Variants in ABCC8 observed in about 807,000 individuals in gnomAD.
ABCC8 encodes the protein ATP-binding cassette sub-family C member 8.
ABCC8 carries 137 observed loss-of-function variants against 188.0 expected under a neutral mutation model. The observed-to-expected ratio is 0.73, with a 90% CI of 0.63 to 0.84. ABCC8 has a LOEUF of 0.84. Among genes scored for constraint, ABCC8 ranks in the 40% least tolerant of loss-of-function variants. The probability of loss-of-function intolerance (pLI) is 0.00; values close to 1 mark genes in which losing one functional copy is unlikely to be tolerated. For synonymous variants in ABCC8, 797 were observed against 846.5 expected, an observed-to-expected ratio of 0.94 and a Z score of 1.01; for missense variants, 1,750 against 2,072.7, an observed-to-expected ratio of 0.84 and a Z score of 3.02.
At chr11:17,392,665 A>C (rs368877399), downstream of ABCC8, 1 of 391,250 alleles carries the variant, frequency 2.6e-6, no homozygotes, top group East Asian at 6.2e-5. Context: ...CCTTGATCCC[A>C]GACTTCAGCC....
chr11:17,458,503 C>T (rs1957075403), intron 6 of ABCC8, among the ~76,000 whole-genome samples: 1 of 152,106 alleles, frequency 6.6e-6, no homozygotes, highest in African/African-American at 2.4e-5. Context: ...CTGATAAGGG[C>T]TCTGGCCTGT....
intron 3 of ABCC8, among the ~76,000 whole-genome samples, chr11:17,467,837 C>T (rs73429040): frequency 0.014 from 2,082 of 152,350 alleles, 50 homozygotes; most frequent in African/African-American, 0.048. Flanking sequence ...GGGGAGATAA[C>T]TCCAACAAGG....
chr11:17,428,100 T>C, intron 14 of ABCC8, 158 bp from the exon 15 acceptor site: 5 of 1,576,300 alleles, frequency 3.2e-6, no homozygotes, highest in Non-Finnish European at 4.3e-6. Flanking sequence ...GGCCTTCTCA[T>C]GCTGACCCTT....
At chr11:17,409,412 A>C (rs778432776) in intron 22 of ABCC8, among the ~76,000 whole-genome samples, 13 of 152,144 alleles carry the variant, frequency 8.5e-5, no homozygotes, top group Non-Finnish European at 1.5e-4. Context: ...GGAAGCCAGC[A>C]CTTCTGTGTT....
intron 3 of ABCC8, among the ~76,000 whole-genome samples, chr11:17,466,980 T>C (rs1489708675): frequency 2.0e-5 from 3 of 150,570 alleles, no homozygotes; most frequent in African/African-American, 4.9e-5. Flanking sequence ...ATATACTTAA[T>C]GCCACAGAAC....
intron 22 of ABCC8, chr11:17,410,174 C>T: frequency 4.2e-6 from 1 of 237,610 alleles, no homozygotes; most frequent in Non-Finnish European, 8.3e-6. Context: ...TCCAAATGGG[C>T]ACTCCCCATG....
intron 10 of ABCC8, chr11:17,435,840 G>A: frequency 2.4e-6 from 3 of 1,239,456 alleles, no homozygotes; most frequent in Non-Finnish European, 3.6e-6. Context: ...ACTTAGCTGT[G>A]TGGATCAGTG....
intron 20 of ABCC8, 22 bp from the exon 21 acceptor site, chr11:17,412,768 ACAT>A: frequency 1.3e-6 from 2 of 1,598,544 alleles, no homozygotes; most frequent in Non-Finnish European, 1.7e-6. Context: ...GAGGAGGAAC[ACAT>A]CATGCCCTCA....
chr11:17,412,900 G>A (rs1954885021), intron 20 of ABCC8, 154 bp from the exon 21 acceptor site: 6 of 1,481,810 alleles, frequency 4.0e-6, no homozygotes, highest in Non-Finnish European at 5.4e-6. Flanking sequence ...ACTTGCACGT[G>A]TTTACTGAAT....
chr11:17,420,653 G>A (rs1456243058), intron 16 of ABCC8, among the ~76,000 whole-genome samples: 2 of 152,218 alleles, frequency 1.3e-5, no homozygotes, highest in African/African-American at 4.8e-5. Flanking sequence ...CAGCATTGCA[G>A]CAGGGAGCTC....
At chr11:17,428,447 T>C in intron 13 of ABCC8, 42 bp from the exon 14 acceptor site, 1 of 1,604,752 alleles carries the variant, frequency 6.2e-7, no homozygotes, top group South Asian at 1.1e-5. Flanking sequence ...GGCTGGGAGC[T>C]GTGTAGGGAA....
chr11:17,416,056 C>T (rs911070558), intron 17 of ABCC8, among the ~76,000 whole-genome samples: 7 of 152,226 alleles, frequency 4.6e-5, no homozygotes, highest in African/African-American at 1.4e-4. Flanking sequence ...ACTACCATTA[C>T]AGAGGCTGAG....
At chr11:17,426,928 T>C in intron 16 of ABCC8, 121 bp downstream of exon 16, 1 of 1,146,334 alleles carries the variant, frequency 8.7e-7, no homozygotes. Context: ...ATTAGCAGCA[T>C]TTATTGAGTC....
intron 16 of ABCC8, among the ~76,000 whole-genome samples, chr11:17,417,376 GA>G (rs200377342): frequency 4.0e-5 from 6 of 151,086 alleles, no homozygotes; most frequent in African/African-American, 1.5e-4. Context: ...TGAGGAAAAA[GA>G]AAAAAAAAGA....
intron 4 of ABCC8, among the ~76,000 whole-genome samples, chr11:17,462,656 T>C (rs1564979027): frequency 1.3e-5 from 2 of 152,314 alleles, no homozygotes; most frequent in East Asian, 1.9e-4. Flanking sequence ...TGCCCATCCA[T>C]AGAGAAATAG....
intron 17 of ABCC8, among the ~76,000 whole-genome samples, chr11:17,415,988 A>T (rs1382990796): frequency 1.3e-5 from 2 of 152,194 alleles, no homozygotes; most frequent in Non-Finnish European, 2.9e-5. Context: ...GTTCTCATCC[A>T]CATATGCAAA....
At chr11:17,450,320 T>TC (rs1564959472) in intron 7 of ABCC8, among the ~76,000 whole-genome samples, 2 of 105,950 alleles carry the variant, frequency 1.9e-5, no homozygotes, top group African/African-American at 8.6e-5. Context: ...CTTTCTTTCT[T>TC]TCTTTCTCTC....
chr11:17,423,377 A>AAAAAAAAAC (rs1218652166), intron 16 of ABCC8, among the ~76,000 whole-genome samples: 1 of 151,214 alleles, frequency 6.6e-6, no homozygotes, highest in Non-Finnish European at 1.5e-5. Context: ...AAAAAAAAAA[A>AAAAAAAAAC]AAGCAGGGGC....
intron 1 of ABCC8, among the ~76,000 whole-genome samples, chr11:17,475,435 G>C (rs1848709190): frequency 6.6e-6 from 1 of 152,080 alleles, no homozygotes; most frequent in Non-Finnish European, 1.5e-5. Context: ...TGTTGCCCAG[G>C]CTGGTCTCGA....
Sources: allele counts gnomAD v4.1 joint callset (sites outside exome capture counted in the v4.1 genomes callset), GRCh38; gene constraint gnomAD v4.1.1; transcripts MANE v1.5; gene names NCBI Gene and HGNC (gene_info 2026-07-23, HGNC 2026-07-21).